Variants in PDE1B observed in about 807,000 individuals in gnomAD.
PDE1B encodes the protein phosphodiesterase 1B, also known as dual specificity calcium/calmodulin-dependent 3',5'-cyclic nucleotide phosphodiesterase 1B.
In PDE1B, 13 loss-of-function variants were observed where a neutral mutation model predicts 66.7. That is an observed-to-expected ratio of 0.19 (90% CI 0.13 to 0.31). The LOEUF is 0.31. Ranked by LOEUF, PDE1B falls within the 10% of genes least tolerant of loss-of-function variation. PDE1B has a pLI of 1.00. For synonymous variants in PDE1B, 230 were observed against 253.9 expected (o/e 0.91, Z 0.90); for missense variants, 485 against 682.3 (o/e 0.71, Z 3.22).
chr12:54,570,411 C>G, intron 6 of PDE1B, 54 bp downstream of exon 6: 2 of 1,002,840 alleles, frequency 2.0e-6, no homozygotes, highest in Non-Finnish European at 3.2e-6. Flanking sequence ...TCCTCTCATG[C>G]CTGTTCTAAA....
intron 2 of PDE1B, among the ~76,000 whole-genome samples, chr12:54,551,363 G>T (rs1429592326): frequency 6.6e-6 from 1 of 152,204 alleles, no homozygotes; most frequent in South Asian, 2.1e-4. Context: ...GGCTGCCTCT[G>T]GCCAATCCAA....
rs375208121 is a variant in PDE1B at position 54,577,348 on chromosome 12, G to A, written c.*17+3G>A. 10 of 1,613,468 alleles carry A rather than the reference G, an allele frequency of 6.2e-6. No individual in the cohort carries two copies. In the African/African-American group the frequency reaches 1.2e-4, roughly 19 times the overall value. On this transcript the variant is annotated splice_donor_region_variant and intron_variant, in intron 15 of 15. Coordinates refer to ENST00000243052, the MANE Select transcript of PDE1B (RefSeq NM_000924.4). The stretch of plus-strand genomic sequence containing the variant: ...GATTAGCCCTGGGGCTGGCCCAGGT[G>A]AGCCTGTTGTGGTGGAGGGTGTAGG...
chr12:54,573,921 T>C lies in PDE1B; in HGVS notation c.1064+212T>C. ...TGTGTGTGTGTGTGTGTCCTTACGT[T>C]TACTCACAGCCTTGGCAGCTGATCC... is the stretch of plus-strand genomic sequence containing the variant. On this transcript the variant is annotated intron_variant, in intron 10 of 15. Transcript: ENST00000243052. The surrounding 1 kb of genome is among the most constrained non-coding windows in gnomAD (Gnocchi z 5.2). The C allele has an allele frequency of 1.8e-6, 1 of 546,248 alleles. No homozygotes were observed. The highest frequency in any genetic ancestry group is 3.3e-6 in the Non-Finnish European group (1 of 305,252). 33.8% of individuals were successfully genotyped at this position (546,248 alleles called of 1,614,324 possible).
At chr12:54,556,054 T>G (rs566981033) in intron 2 of PDE1B, among the ~76,000 whole-genome samples, 10 of 152,182 alleles carry the variant, frequency 6.6e-5, no homozygotes, top group Non-Finnish European at 1.3e-4. Flanking sequence ...GTCTTTTGCC[T>G]TCTCAGTGAC....
intron 2 of PDE1B, among the ~76,000 whole-genome samples, chr12:54,555,185 G>A (rs1349059860): frequency 1.3e-5 from 2 of 152,192 alleles, no homozygotes; most frequent in East Asian, 3.8e-4. Context: ...AGTGGATGGA[G>A]CAATTGCAGT....
At position 54,569,384 on chromosome 12, in the gene PDE1B, T is replaced by G. The variant is rs532275921; in HGVS notation, c.410+18T>G. On this transcript the variant is annotated intron_variant, in intron 4 of 15. Coordinates refer to ENST00000243052, the MANE Select transcript of PDE1B (RefSeq NM_000924.4). The surrounding 1 kb of genome is among the most constrained non-coding windows in gnomAD (Gnocchi z 4.4). ...GTGGAACGGTGAGGCTCGCCCACACTCAGCCTCCCTCTGCCTTTAGCTGTG... is the reference window on the plus strand; with the variant it reads ...GTGGAACGGTGAGGCTCGCCCACACGCAGCCTCCCTCTGCCTTTAGCTGTG... The G allele has an allele frequency of 6.3e-7, 1 of 1,594,112 alleles. No individual in the cohort carries two copies. Among genetic ancestry groups the G allele is most frequent in the South Asian group, 1.1e-5 (1 of 88,260 alleles).
At chr12:54,561,391 C>T (rs1053855550) in intron 2 of PDE1B, 11 of 1,132,190 alleles carry the variant, frequency 9.7e-6, no homozygotes, top group African/African-American at 1.6e-5. Flanking sequence ...TTCCGGTAGG[C>T]TGGGTCTCTG....
intron 2 of PDE1B, among the ~76,000 whole-genome samples, chr12:54,559,255 C>T (rs4759091): frequency 0.61 from 82,466 of 134,418 alleles, 26,821 homozygotes; most frequent in Non-Finnish European, 0.71. Flanking sequence ...TTTACCCCCA[C>T]CCACCCCCAC....
In PDE1B at chr12:54,577,119, G is replaced by C. The variant is rs901602241; in HGVS notation, c.1508-106G>C. ...TGGGTTGAATGTAGTTCAGCTTGAA[G>C]GCAGGTTGATGGATGAGAATCCCTT... On this transcript the variant is annotated intron_variant, in intron 14 of 15. Coordinates refer to ENST00000243052, the MANE Select transcript of PDE1B (RefSeq NM_000924.4). 1.2e-5 allele frequency: 12 copies of C among 964,378 alleles called. No individual in the cohort carries two copies. The African/African-American group carries it at 1.6e-4, about 13-fold the overall frequency. 59.7% of individuals were successfully genotyped at this position (964,378 alleles called of 1,614,324 possible).
Position 54,567,068 on chromosome 12 carries a change from G to A in PDE1B, c.208G>A (p.Val70Ile), listed in dbSNP as rs200096201. ...LEYTASLLEA[V>I]YIDETRQILD... Reference sequence around the variant, plus strand: ...GTACACAGCTTCTCTGCTGGAAGCCGTCTACATAGATGAGACACGGTGAGA... The same window carrying A: ...GTACACAGCTTCTCTGCTGGAAGCCATCTACATAGATGAGACACGGTGAGA... Residue 70 changes from valine to isoleucine, a missense_variant, in exon 3 of 16, where the codon GTC becomes ATC. Physicochemically the swap from Val to Ile is conservative, Grantham distance 29. Around this residue, in one of 4 missense-constraint regions of PDE1B, gnomAD observed 282 missense variants for 453.4 expected, o/e 0.62. Coordinates refer to ENST00000243052, the MANE Select transcript of PDE1B (RefSeq NM_000924.4). The A allele has an allele frequency of 4.2e-5, 66 of 1,589,394 alleles. No homozygotes were observed. The highest frequency in any genetic ancestry group is 3.0e-5 in the Non-Finnish European group (35 of 1,159,494).
chr12:54,568,462 A>G (rs1422593173), intron 3 of PDE1B, among the ~76,000 whole-genome samples: 1 of 121,128 alleles, frequency 8.3e-6, no homozygotes, highest in East Asian at 2.5e-4. Flanking sequence ...GACCCTGTCT[A>G]AAAATACACA....
At chr12:54,563,614 G>C (rs1441920220) in intron 2 of PDE1B, among the ~76,000 whole-genome samples, 2 of 152,172 alleles carry the variant, frequency 1.3e-5, no homozygotes, top group African/African-American at 4.8e-5. Context: ...TGTGGTGTGA[G>C]CTGGGTTAGG....
At chr12:54,572,445 G>A in intron 6 of PDE1B, 156 bp from the exon 7 acceptor site, 1 of 699,818 alleles carries the variant, frequency 1.4e-6, no homozygotes, top group Non-Finnish European at 2.6e-6. Context: ...GCCAGCAGGT[G>A]GTAGAGGCAG....
chr12:54,569,490 C>T lies in PDE1B; in HGVS notation c.411-56C>T. On this transcript the variant is annotated intron_variant, in intron 4 of 15. Transcript: ENST00000243052. This position sits in a 1 kb window ranked among gnomAD's most constrained non-coding sequence, Gnocchi z 4.4. ...GCTCATCCCCACATCCCCAGCTGGC[C>T]ACACCTCCACTCCCAGACCTTCATA... The T allele has an allele frequency of 3.2e-6, 5 of 1,586,490 alleles. No homozygotes were observed. Among genetic ancestry groups the T allele is most frequent in the Non-Finnish European group, 4.3e-6 (5 of 1,155,242 alleles).
chr12:54,572,514 T>G, intron 6 of PDE1B, 87 bp from the exon 7 acceptor site: 1 of 1,314,292 alleles, frequency 7.6e-7, no homozygotes, highest in Non-Finnish European at 1.1e-6. Flanking sequence ...CACACTGCCT[T>G]CTAAAGAAAG....
At position 54,549,690 on chromosome 12, in the gene PDE1B, G is replaced by T. The variant is rs1957245263; in HGVS notation, c.-96G>T. 6.0e-6 allele frequency: 3 copies of T among 495,896 alleles called. No individual in the cohort carries two copies. Among genetic ancestry groups the T allele is most frequent in the Non-Finnish European group, 1.1e-5 (3 of 280,106 alleles). The allele number at this position is 495,896 out of a possible 1,614,324, so 30.7% of individuals were successfully genotyped here. ...CCCAAAGCTCGGCTGGGCAGCGGGA[G>T]AGGAGGAGCCGCAGGAGCTGCAGCT... On this transcript the variant is annotated 5_prime_UTR_variant, in exon 1 of 16. Transcript: ENST00000243052.
rs1957732692 is a variant in PDE1B at position 54,575,922 on chromosome 12, C to T, written c.1268-70C>T. ...AAGCAGCCAGGGGTCCTGGCCATGC[C>T]AGCTGCATGCTCTGCCTAGCCCTCC... On this transcript the variant is annotated intron_variant, in intron 12 of 15. Coordinates refer to ENST00000243052, the MANE Select transcript of PDE1B (RefSeq NM_000924.4). This position sits in a 1 kb window ranked among gnomAD's most constrained non-coding sequence, Gnocchi z 4.0. The T allele has an allele frequency of 8.6e-7, 1 of 1,159,892 alleles. No homozygotes were observed. The highest frequency in any genetic ancestry group is 1.3e-6 in the Non-Finnish European group (1 of 768,164). The allele number at this position is 1,159,892 out of a possible 1,614,324, so 71.9% of individuals were successfully genotyped here. A position where few individuals can be genotyped will look rare whatever the true frequency, so the allele number is the denominator to read the frequency against.
chr12:54,560,712 C>T (rs1340808052), intron 2 of PDE1B, among the ~76,000 whole-genome samples: 1 of 152,226 alleles, frequency 6.6e-6, no homozygotes, highest in Non-Finnish European at 1.5e-5. Context: ...CCTCAGACCC[C>T]TTCTGGGTGC....
chr12:54,569,076 A>T lies in PDE1B; in HGVS notation c.228-108A>T. ...AGAAAGGAAACAGGGTTGAAGACAG[A>T]GAGCTGGCATGAGAGTTACTAAATG... On this transcript the variant is annotated intron_variant, in intron 3 of 15. Transcript: ENST00000243052. The surrounding 1 kb of genome is among the most constrained non-coding windows in gnomAD (Gnocchi z 4.4). 6.8e-7 allele frequency: 1 copy of T among 1,466,130 alleles called. No individual in the cohort carries two copies. Among genetic ancestry groups the T allele is most frequent in the Non-Finnish European group, 9.0e-7 (1 of 1,107,596 alleles). 90.8% of individuals were successfully genotyped at this position (1,466,130 alleles called of 1,614,324 possible). A position where few individuals can be genotyped will look rare whatever the true frequency, so the allele number is the denominator to read the frequency against.
Sources: gnomAD v4.1 joint callset for allele counts (sites outside exome capture counted in the v4.1 genomes callset) on GRCh38, gnomAD v4.1.1 for gene constraint, gnomAD v4.1.1 regional missense constraint, Gnocchi (gnomAD v3.1) non-coding constraint, MANE v1.5 for transcripts, NCBI Gene and HGNC (gene_info 2026-07-23, HGNC 2026-07-21) for gene names.